The following ARL15 variants were observed in gnomAD, a reference collection of about 807,000 sequenced individuals.
The protein encoded by ARL15 is ADP-ribosylation factor-like protein 15.
ARL15 carries 19 observed loss-of-function variants against 25.2 expected under a neutral mutation model. The observed-to-expected ratio is 0.75, with a 90% CI of 0.53 to 1.10. The LOEUF (loss-of-function observed/expected upper bound fraction) is 1.10. Ranked by LOEUF, ARL15 falls within the 50% of genes least tolerant of loss-of-function variation. The probability of loss-of-function intolerance (pLI) is 0.00; values close to 1 mark genes in which losing one functional copy is unlikely to be tolerated. For synonymous variants in ARL15, 94 were observed against 86.8 expected, an observed-to-expected ratio of 1.08 and a Z score of -0.46; for missense variants, 220 against 246.0, an observed-to-expected ratio of 0.89 and a Z score of 0.71.
At chr5:53,945,599 C>T (rs1217682132) in intron 4 of ARL15, among the ~76,000 whole-genome samples, 2 of 152,156 alleles carry the variant, frequency 1.3e-5, no homozygotes, top group African/African-American at 2.4e-5. Flanking sequence ...CCAAACTTTA[C>T]AATTGCAAAC....
rs529342237 is a variant in ARL15, at chr5:54,073,494, T to C, written c.462+39708A>G. Among the ~76,000 whole-genome samples, 158 of 151,970 alleles carry C rather than the reference T, an allele frequency of 1.0e-3. 1 individual carries two copies. Among genetic ancestry groups the C allele is most frequent in the Admixed American group, 9.2e-4 (14 of 15,280 alleles). On this transcript the variant is annotated intron_variant, in intron 4 of 4. Transcript: ENST00000504924. ...ACTGACATATAGGTTTCAAGTGAGA[T>C]TGTTACCATTTCACTTCAGAAGTTG... is the stretch of plus-strand genomic sequence containing the variant.
At chr5:54,138,391 T>C (rs538813589) in intron 3 of ARL15, among the ~76,000 whole-genome samples, 36 of 152,314 alleles carry the variant, frequency 2.4e-4, no homozygotes, top group African/African-American at 8.4e-4. Flanking sequence ...AACTGACCTT[T>C]GGCAAAGCAC....
In ARL15 at chr5:53,959,385, C is replaced by T. The variant is rs139484201; in HGVS notation, c.463-72672G>A. ...GGGCGCTTTTTATCTATGTGCTAGG[C>T]AATAGAGACACAATAGAGAATAAAA... On this transcript the variant is annotated intron_variant, in intron 4 of 4. Transcript: ENST00000504924. Among the ~76,000 whole-genome samples, 722 of 152,100 alleles carry T rather than the reference C, an allele frequency of 4.7e-3. 7 individuals are homozygous for T. The highest frequency in any genetic ancestry group is 0.017 in the African/African-American group (695 of 41,474).
intron 4 of ARL15, among the ~76,000 whole-genome samples, chr5:54,107,283 G>C (rs937715373): frequency 6.6e-6 from 1 of 152,110 alleles, no homozygotes; most frequent in Non-Finnish European, 1.5e-5. Flanking sequence ...TACAATTCAA[G>C]TTGAGATTTA....
intron 4 of ARL15, among the ~76,000 whole-genome samples, chr5:53,992,201 C>G (rs1463010068): frequency 1.3e-5 from 2 of 152,170 alleles, no homozygotes; most frequent in Non-Finnish European, 1.5e-5. Context: ...GGGTACTTGA[C>G]AGATACCAAA....
chr5:54,166,475 A>G (rs1754571030), intron 2 of ARL15, among the ~76,000 whole-genome samples: 1 of 152,168 alleles, frequency 6.6e-6, no homozygotes, highest in Non-Finnish European at 1.5e-5. Context: ...TATTGGGATT[A>G]CAAGTGTGAG....
intron 1 of ARL15, among the ~76,000 whole-genome samples, chr5:54,285,935 C>T (rs3776644): frequency 0.11 from 17,390 of 152,036 alleles, 1,300 homozygotes; most frequent in East Asian, 0.41. Flanking sequence ...GAGTAAAGGT[C>T]GCGTCTGTCA....
intron 4 of ARL15, among the ~76,000 whole-genome samples, chr5:54,035,522 T>C (rs1750141441): frequency 6.6e-6 from 1 of 152,212 alleles, no homozygotes; most frequent in African/African-American, 2.4e-5. Flanking sequence ...AGGGAAAACA[T>C]AACTCTTTTG....
At chr5:54,149,898 A>G (rs1482564458) in intron 3 of ARL15, among the ~76,000 whole-genome samples, 1 of 152,232 alleles carries the variant, frequency 6.6e-6, no homozygotes, top group Admixed American at 6.5e-5. Flanking sequence ...AAAAGACTAT[A>G]TAGGAAAACA....
At chr5:54,215,645 A>T (rs1234313234) in intron 1 of ARL15, among the ~76,000 whole-genome samples, 1 of 152,094 alleles carries the variant, frequency 6.6e-6, no homozygotes, top group Non-Finnish European at 1.5e-5. Flanking sequence ...AAAGGAACTG[A>T]ATATTTAATG....
intron 4 of ARL15, among the ~76,000 whole-genome samples, chr5:53,954,401 A>G (rs1747078033): frequency 6.6e-6 from 1 of 152,200 alleles, no homozygotes; most frequent in African/African-American, 2.4e-5. Flanking sequence ...TAATCAGTTA[A>G]TACAACAAAA....
At chr5:53,947,592 A>T (rs1746791603) in intron 4 of ARL15, among the ~76,000 whole-genome samples, 1 of 152,124 alleles carries the variant, frequency 6.6e-6, no homozygotes, top group Non-Finnish European at 1.5e-5. Flanking sequence ...AACAACTGGG[A>T]TTGTAGGATC....
At chr5:54,138,968 C>A (rs1753690227) in intron 3 of ARL15, among the ~76,000 whole-genome samples, 1 of 152,098 alleles carries the variant, frequency 6.6e-6, no homozygotes, top group Non-Finnish European at 1.5e-5. Context: ...CATAAGATAT[C>A]ACCTTACCCC....
intron 4 of ARL15, among the ~76,000 whole-genome samples, chr5:53,947,167 GGTGTGTGTGTGT>G (rs3222349): frequency 0.28 from 34,550 of 123,456 alleles, 4,545 homozygotes; most frequent in Middle Eastern, 0.34. Flanking sequence ...AATAAATAAG[GGTGTGTGTGTGT>G]GTGTGTGTGT....
At chr5:54,235,615 G>A (rs1756782406) in intron 1 of ARL15, among the ~76,000 whole-genome samples, 1 of 151,944 alleles carries the variant, frequency 6.6e-6, no homozygotes, top group South Asian at 2.1e-4. Flanking sequence ...GGGAATATAG[G>A]CATGTGCCAC....
intron 1 of ARL15, among the ~76,000 whole-genome samples, chr5:54,218,316 T>TA (rs1214930848): frequency 6.6e-6 from 1 of 152,190 alleles, no homozygotes; most frequent in African/African-American, 2.4e-5. Flanking sequence ...GAATACTTCC[T>TA]AGTAACTAAC....
intron 1 of ARL15, among the ~76,000 whole-genome samples, chr5:54,205,172 C>T (rs1170013886): frequency 2.0e-5 from 3 of 152,030 alleles, no homozygotes; most frequent in East Asian, 1.9e-4. Context: ...GCATGAAGAG[C>T]GCTCACTTTG....
intron 1 of ARL15, among the ~76,000 whole-genome samples, chr5:54,176,182 T>C (rs1463487130): frequency 6.6e-6 from 1 of 152,190 alleles, no homozygotes; most frequent in Admixed American, 6.5e-5. Context: ...TAAGGTTCTT[T>C]GGAACTTAAT....
At chr5:54,126,701 C>T (rs1753263958) in intron 3 of ARL15, among the ~76,000 whole-genome samples, 1 of 152,218 alleles carries the variant, frequency 6.6e-6, no homozygotes, top group East Asian at 1.9e-4. Context: ...AGTTCAATCT[C>T]TTACTCTTCT....
Sources: gnomAD v4.1 joint callset for allele counts (sites outside exome capture counted in the v4.1 genomes callset) on GRCh38, gnomAD v4.1.1 for gene constraint, MANE v1.5 for transcripts, NCBI Gene and HGNC (gene_info 2026-07-23, HGNC 2026-07-21) for gene names.